SRSF7: variants seen among roughly 807,000 people sequenced by gnomAD.
SRSF7 encodes the protein serine and arginine rich splicing factor 7.
A neutral mutation model predicts 42.2 loss-of-function variants in SRSF7; 15 were observed. That is an observed-to-expected ratio of 0.36 (90% CI 0.24 to 0.55). SRSF7 has a LOEUF of 0.55. SRSF7 is among the 20% of genes least tolerant of loss of function. The probability of loss-of-function intolerance (pLI) is 0.88; values close to 1 mark genes in which losing one functional copy is unlikely to be tolerated. For missense variants in SRSF7, 181 were observed against 305.9 expected (o/e 0.59, Z 3.04); for synonymous variants, 138 against 107.9 (o/e 1.28, Z -1.73).
At chr2:38,746,077 T>C (rs1300170983) in intron 7 of SRSF7, 67 bp downstream of exon 7, 9 of 1,548,710 alleles carry the variant, frequency 5.8e-6, no homozygotes, top group Non-Finnish European at 8.0e-6. Flanking sequence ...TGCAAAGCAG[T>C]AAGCAAACAA....
At chr2:38,747,315 G>A (rs1667600031) in intron 5 of SRSF7, among the ~76,000 whole-genome samples, 1 of 152,180 alleles carries the variant, frequency 6.6e-6, no homozygotes, top group South Asian at 2.1e-4. Context: ...TTTATCTAAA[G>A]AGATGGTTCA....
intron 3 of SRSF7, 138 bp from the exon 4 acceptor site, chr2:38,748,791 T>G: frequency 8.3e-7 from 1 of 1,206,660 alleles, no homozygotes; most frequent in Non-Finnish European, 1.1e-6. Context: ...GGCCTATTAG[T>G]TGTTGAGTAT....
At position 38,747,445 on chromosome 2, in the gene SRSF7, A is replaced by G. The variant is rs529010962; in HGVS notation, c.572+602T>C. 3.3e-5 allele frequency among the ~76,000 whole-genome samples: 5 copies of G among 152,328 alleles called. No homozygotes were observed. In the South Asian group the frequency reaches 1.0e-3, roughly 32 times the overall value. ...CACGGTTTTATCGTTGGTACAGATAACAATATTGTTAATTACATGTTGCAA... is the reference window on the plus strand; with the variant it reads ...CACGGTTTTATCGTTGGTACAGATAGCAATATTGTTAATTACATGTTGCAA... On this transcript the variant is annotated intron_variant, in intron 5 of 7. Transcript: ENST00000313117.
At chr2:38,749,845 C>G in intron 2 of SRSF7, 140 bp from the exon 3 acceptor site, 1 of 1,246,812 alleles carries the variant, frequency 8.0e-7, no homozygotes, top group African/African-American at 1.5e-5. Context: ...TTACCAAGCC[C>G]TAACTCCATC....
chr2:38,747,517 TACAAATAGTA>T (rs1454495802), intron 5 of SRSF7, among the ~76,000 whole-genome samples: 2 of 152,162 alleles, frequency 1.3e-5, no homozygotes, highest in African/African-American at 4.8e-5. Context: ...TAAGGCCTTC[TACAAATAGTA>T]AAGCTCTGGT....
At position 38,749,516 on chromosome 2, in the gene SRSF7, TTAAAA is replaced by T. The variant is rs576332079; in HGVS notation, c.386+8_386+12del. 0.012 allele frequency: 18,489 copies of T among 1,555,638 alleles called. 127 individuals carry two copies. The highest frequency in any genetic ancestry group is 0.014 in the Non-Finnish European group (16,477 of 1,153,762). On this transcript the variant is annotated splice_region_variant and intron_variant, in intron 3 of 7. Coordinates refer to ENST00000313117, the MANE Select transcript of SRSF7 (RefSeq NM_001031684.3). ...AACTAGAATACCAACCATTCCTTTA[TTAAAA>T]TAAATACCTGCTTCTTCTTCGCCGG...
chr2:38,746,803 T>C, intron 5 of SRSF7, 56 bp from the exon 6 acceptor site: 2 of 1,605,750 alleles, frequency 1.2e-6, no homozygotes, highest in Non-Finnish European at 1.7e-6. Flanking sequence ...GGAATTTCCT[T>C]AACTACTCAA....
At chr2:38,751,126 A>T in intron 1 of SRSF7, 103 bp downstream of exon 1, 1 of 1,497,424 alleles carries the variant, frequency 6.7e-7, no homozygotes, top group Non-Finnish European at 9.3e-7. Flanking sequence ...AGCCGCCATT[A>T]CGCACGCGGA....
At chr2:38,749,405 A>G (rs1201205049) in intron 3 of SRSF7, 124 bp downstream of exon 3, 1 of 1,565,770 alleles carries the variant, frequency 6.4e-7, no homozygotes, top group Non-Finnish European at 8.6e-7. Context: ...ATTAAACAAA[A>G]ATTGTAAAAT....
Position 38,751,356 on chromosome 2 carries a change from C to T in SRSF7, c.-100G>A. ...CTTCACCCGCCAAGAGTCCCGGCGG[C>T]ACTACGAGGAAGAGCCCGGGTTCGC... On this transcript the variant is annotated 5_prime_UTR_variant, in exon 1 of 8. Transcript: ENST00000313117. 3.2e-6 allele frequency: 5 copies of T among 1,550,344 alleles called. No individual in the cohort carries two copies. The African/African-American group carries it at 4.1e-5, about 13-fold the overall frequency.
At position 38,748,521 on chromosome 2, in the gene SRSF7, TG is replaced by T. The variant is rs935687539; in HGVS notation, c.461+57del. On this transcript the variant is annotated intron_variant, in intron 4 of 7. Transcript: ENST00000313117. ...AAAAAATAATGAGCTTTTTCTGTGT[TG>T]GACTACCAGTGAATTTAATAATAAT... 10 of 1,548,456 alleles carry T rather than the reference TG, an allele frequency of 6.5e-6. No individual in the cohort carries two copies. In the Admixed American group the frequency reaches 6.7e-5, roughly 10 times the overall value.
At chr2:38,748,503 A>T (rs1273458636) in intron 4 of SRSF7, 76 bp downstream of exon 4, 1 of 1,485,006 alleles carries the variant, frequency 6.7e-7, no homozygotes, top group South Asian at 1.1e-5. Flanking sequence ...CAAAAAAAAT[A>T]ATGAGCTTTT....
At chr2:38,750,918 G>T in intron 1 of SRSF7, 1 of 380,910 alleles carries the variant, frequency 2.6e-6, no homozygotes, top group South Asian at 2.8e-5. Context: ...AGCCGCCGCC[G>T]AGGGCGGGGG....
intron 4 of SRSF7, 129 bp downstream of exon 4, chr2:38,748,450 G>T: frequency 1.1e-6 from 1 of 900,328 alleles, no homozygotes; most frequent in Non-Finnish European, 1.8e-6. Flanking sequence ...TCGTGGTTAT[G>T]CCCCTGTACT....
rs748794434 is a variant in SRSF7, at chr2:38,750,008, A to T, written c.209+6T>A. 3.0e-5 allele frequency: 48 copies of T among 1,601,500 alleles called. No individual in the cohort carries two copies. The highest frequency in any genetic ancestry group is 2.2e-4 in the East Asian group (10 of 44,762). ...ATGAACAGAAGATTCATAACATCTT[A>T]CTTACTTTCCATCCAGTCCTCGTAC... On this transcript the variant is annotated splice_donor_region_variant and intron_variant, in intron 2 of 7. Coordinates refer to ENST00000313117, the MANE Select transcript of SRSF7 (RefSeq NM_001031684.3).
At chr2:38,751,054 C>G in intron 1 of SRSF7, 175 bp downstream of exon 1, 1 of 744,370 alleles carries the variant, frequency 1.3e-6, no homozygotes, top group Non-Finnish European at 2.3e-6. Context: ...TGTACACCCG[C>G]CATCCCGTCT....
At chr2:38,747,730 C>G (rs1667679817) in intron 5 of SRSF7, among the ~76,000 whole-genome samples, 1 of 152,150 alleles carries the variant, frequency 6.6e-6, no homozygotes. Flanking sequence ...AAATCAATTA[C>G]CATCTTTCAG....
chr2:38,751,487 A>G (rs1362387064), upstream of SRSF7: 1 of 579,922 alleles, frequency 1.7e-6, no homozygotes, highest in Non-Finnish European at 3.1e-6. Flanking sequence ...GAAGGAACTG[A>G]AGAGACTAAC....
chr2:38,745,218 A>G (rs561037274), intron 7 of SRSF7, 31 bp from the exon 8 acceptor site: 23 of 1,611,452 alleles, frequency 1.4e-5, no homozygotes, highest in East Asian at 4.5e-5. Context: ...TTTGGATCCA[A>G]TTAGTGTCAA....
Sources: allele counts gnomAD v4.1 joint callset (sites outside exome capture counted in the v4.1 genomes callset), GRCh38; gene constraint gnomAD v4.1.1; transcripts MANE v1.5; gene names NCBI Gene and HGNC (gene_info 2026-07-23, HGNC 2026-07-21).